The following PXK variants were observed in gnomAD, a reference collection of about 807,000 sequenced individuals.
PXK encodes PX domain-containing protein kinase-like protein.
A neutral mutation model predicts 84.7 loss-of-function variants in PXK; 35 were observed. The ratio of observed to expected loss-of-function variants is 0.41; its 90% CI spans 0.32 to 0.55. PXK has a LOEUF of 0.55. Ranked by LOEUF, PXK falls within the 20% of genes least tolerant of loss-of-function variation. The probability of loss-of-function intolerance (pLI) is 0.21; values close to 1 mark genes in which losing one functional copy is unlikely to be tolerated. For synonymous variants in PXK, 253 were observed against 260.8 expected, an observed-to-expected ratio of 0.97 and a Z score of 0.29; for missense variants, 634 against 699.7, an observed-to-expected ratio of 0.91 and a Z score of 1.06.
chr3:58,353,233 G>A (rs1445345711), intron 1 of PXK, among the ~76,000 whole-genome samples: 10 of 152,080 alleles, frequency 6.6e-5, no homozygotes, highest in African/African-American at 1.9e-4. Context: ...TCCTGACCTC[G>A]TGATCCGCCC....
intron 17 of PXK, chr3:58,423,581 T>C (rs1302333056): frequency 5.2e-6 from 8 of 1,525,934 alleles, no homozygotes; most frequent in Non-Finnish European, 7.0e-6. Context: ...GTGTTGGTGA[T>C]TCTGAGCCAG....
chr3:58,423,191 A>T (rs932539540), intron 17 of PXK: 2 of 984,498 alleles, frequency 2.0e-6, no homozygotes, highest in African/African-American at 3.5e-5. Flanking sequence ...CTCATCACAC[A>T]TGCTTATTCT....
intron 3 of PXK, among the ~76,000 whole-genome samples, chr3:58,378,493 T>TTCTTC (rs1491128342): frequency 1.2e-4 from 4 of 32,894 alleles, no homozygotes; most frequent in African/African-American, 3.4e-4. Flanking sequence ...ATTTTTCTTC[T>TTCTTC]TTTTTTTTTT....
chr3:58,404,379 TGTGAGG>T (rs1383049841), intron 13 of PXK, among the ~76,000 whole-genome samples: 4 of 152,194 alleles, frequency 2.6e-5, no homozygotes, highest in Admixed American at 2.0e-4. Flanking sequence ...GATTCTTTGT[TGTGAGG>T]GCTGCCTGTG....
intron 7 of PXK, among the ~76,000 whole-genome samples, chr3:58,394,707 T>C (rs1018050402): frequency 6.6e-6 from 1 of 152,228 alleles, no homozygotes; most frequent in Non-Finnish European, 1.5e-5. Flanking sequence ...GCCTGAGCTA[T>C]GAGAGTGCAC....
chr3:58,381,830 T>G (rs1204613019), intron 3 of PXK, among the ~76,000 whole-genome samples: 1 of 152,040 alleles, frequency 6.6e-6, no homozygotes, highest in Non-Finnish European at 1.5e-5. Context: ...TTCCCCATTG[T>G]CAAAAGATCA....
intron 3 of PXK, among the ~76,000 whole-genome samples, chr3:58,377,629 AG>A (rs2098455214): frequency 6.6e-6 from 1 of 151,362 alleles, no homozygotes; most frequent in South Asian, 2.1e-4. Flanking sequence ...AAGAAAAGAA[AG>A]AAAAGACTAA....
chr3:58,405,221 T>G (rs565401373), intron 13 of PXK, among the ~76,000 whole-genome samples: 1 of 152,330 alleles, frequency 6.6e-6, no homozygotes, highest in Admixed American at 6.5e-5. Flanking sequence ...ACTGTGTATG[T>G]GCCCTTTTAT....
At chr3:58,335,038 T>C (rs1057371309) in intron 1 of PXK, among the ~76,000 whole-genome samples, 2 of 150,052 alleles carry the variant, frequency 1.3e-5, no homozygotes, top group African/African-American at 2.5e-5. Flanking sequence ...TGTGTGTGTG[T>C]GTGTGTGTGT....
chr3:58,423,228 C>T (rs772523148), intron 17 of PXK: 333 of 982,506 alleles, frequency 3.4e-4, no homozygotes, highest in Non-Finnish European at 3.8e-4. Context: ...ACAGTTACTT[C>T]AGGTTTAAAG....
chr3:58,378,503 TTTTTTTTTTTGTGTGTGTGTGTGTGTGTG>T (rs1559986143), intron 3 of PXK, among the ~76,000 whole-genome samples: 1 of 80,736 alleles, frequency 1.2e-5, no homozygotes, highest in Non-Finnish European at 2.5e-5. Flanking sequence ...TTTTTTTTTT[TTTTTTTTTTTGTGTGTGTGTGTGTGTGTG>T]TGTGTGTGTG....
intron 1 of PXK, among the ~76,000 whole-genome samples, chr3:58,337,932 G>T (rs2097652878): frequency 6.6e-6 from 1 of 152,146 alleles, no homozygotes. Flanking sequence ...AGGAGACATT[G>T]CTGCTTTCAG....
At chr3:58,339,753 G>A (rs375037602) in intron 1 of PXK, among the ~76,000 whole-genome samples, 8 of 152,302 alleles carry the variant, frequency 5.3e-5, no homozygotes, top group African/African-American at 1.9e-4. Flanking sequence ...ACAGTGGAAA[G>A]AGCCACCCAT....
Position 58,412,917 on chromosome 3 carries a change from C to T in PXK, c.1482C>T (p.Ser494=), listed in dbSNP as rs774760324. Residue 494 remains serine, a synonymous_variant, in exon 17 of 18, where the codon AGC becomes AGT. Coordinates refer to ENST00000356151, the MANE Select transcript of PXK (RefSeq NM_017771.5). This position sits in a 1 kb window ranked among gnomAD's most constrained non-coding sequence, Gnocchi z 6.2. ...NSNNSAGSGA[S]SPLTSPSSPT... Reference sequence around the variant, plus strand: ...TTATCTTAGCAGGATCTGGGGCCAGCTCACCTCTCACGTCCCCGTCATCGC... The same window carrying T: ...TTATCTTAGCAGGATCTGGGGCCAGTTCACCTCTCACGTCCCCGTCATCGC... The T allele has an allele frequency of 1.2e-6, 2 of 1,614,178 alleles. No homozygotes were observed. Among genetic ancestry groups the T allele is most frequent in the Admixed American group, 3.3e-5 (2 of 60,028 alleles).
intron 1 of PXK, among the ~76,000 whole-genome samples, chr3:58,358,886 C>A (rs1032224370): frequency 1.2e-4 from 19 of 152,214 alleles, no homozygotes; most frequent in African/African-American, 4.6e-4. Context: ...TACTGCTTCC[C>A]ATATGCCAAA....
chr3:58,349,272 T>C (rs966175027), intron 1 of PXK, among the ~76,000 whole-genome samples: 2 of 151,914 alleles, frequency 1.3e-5, no homozygotes, highest in Non-Finnish European at 2.9e-5. Context: ...TGTGTTGTTA[T>C]GGAGAGAGAT....
chr3:58,405,992 G>A (rs993034497), intron 13 of PXK, among the ~76,000 whole-genome samples: 1 of 151,402 alleles, frequency 6.6e-6, no homozygotes, highest in African/African-American at 2.4e-5. Context: ...CTTTTGAGAC[G>A]GAGTCTCGCT....
chr3:58,355,524 G>T (rs183604283), intron 1 of PXK, among the ~76,000 whole-genome samples: 7 of 152,344 alleles, frequency 4.6e-5, no homozygotes, highest in East Asian at 1.9e-4. Context: ...GGCCAGAAAG[G>T]TTCAAAATAC....
chr3:58,425,033 T>C lies in PXK; in HGVS notation c.*73T>C. 6.4e-7 allele frequency: 1 copy of C among 1,557,862 alleles called. No homozygotes were observed. The highest frequency in any genetic ancestry group is 8.7e-7 in the Non-Finnish European group (1 of 1,150,258). ...CACCCCTACCCCCCAAACTACCCTCTTCCTGGGAAAGTAATTGCTGAGCCA... is the reference window on the plus strand; with the variant it reads ...CACCCCTACCCCCCAAACTACCCTCCTCCTGGGAAAGTAATTGCTGAGCCA... On this transcript the variant is annotated 3_prime_UTR_variant, in exon 18 of 18. Coordinates refer to ENST00000356151, the MANE Select transcript of PXK (RefSeq NM_017771.5).
Sources: gnomAD v4.1 joint callset for allele counts (sites outside exome capture counted in the v4.1 genomes callset) on GRCh38, gnomAD v4.1.1 for gene constraint, Gnocchi (gnomAD v3.1) non-coding constraint, MANE v1.5 for transcripts, NCBI Gene and HGNC (gene_info 2026-07-23, HGNC 2026-07-21) for gene names.